The following CHD5 variants were observed in gnomAD, a reference collection of about 807,000 sequenced individuals.
The protein encoded by CHD5 is ATP-dependent chromatin remodeler CHD5.
In CHD5, 69 loss-of-function variants were observed where a neutral mutation model predicts 230.3. The ratio of observed to expected loss-of-function variants is 0.30; its 90% CI spans 0.25 to 0.37. CHD5 has a LOEUF of 0.37. Ranked by LOEUF, CHD5 falls within the 10% of genes least tolerant of loss-of-function variation. CHD5 has a pLI of 1.00. For synonymous variants in CHD5, 1,064 were observed against 1,065.9 expected (o/e 1.00, Z 0.03); for missense variants, 1,827 against 2,622.8 (o/e 0.70, Z 6.63).
intron 35 of CHD5, 98 bp from the exon 36 acceptor site, chr1:6,111,981 C>G: frequency 7.2e-7 from 1 of 1,382,882 alleles, no homozygotes; most frequent in Non-Finnish European, 1.0e-6. Flanking sequence ...CCACTGCCTC[C>G]ACCCCCAGAG....
rs961006737 is a variant in CHD5, at chr1:6,104,269, C to G, written c.*1205G>C. On this transcript the variant is annotated 3_prime_UTR_variant, in exon 42 of 42. Transcript: ENST00000262450. ...GCGCTCCTGGCAGGAAACAAGGCAG[C>G]AAGCCCTTGGTGCTGCGGCTGGGAG... 3 of 152,372 alleles carry G rather than the reference C, an allele frequency of 2.0e-5. No individual in the cohort carries two copies. The highest frequency in any genetic ancestry group is 4.4e-5 in the Non-Finnish European group (3 of 68,156). The allele number at this position is 152,372 out of a possible 1,614,324, so 9.4% of individuals were successfully genotyped here.
At chr1:6,168,379 C>A (rs946354290) in intron 1 of CHD5, 102 bp from the exon 2 acceptor site, 1 of 1,405,730 alleles carries the variant, frequency 7.1e-7, no homozygotes, top group Admixed American at 2.3e-5. Context: ...CCCAGACACC[C>A]AACTGTGCCA....
chr1:6,138,312 G>C (rs1229755120), intron 15 of CHD5, among the ~76,000 whole-genome samples: 2 of 151,524 alleles, frequency 1.3e-5, no homozygotes, highest in Non-Finnish European at 2.9e-5. Flanking sequence ...AAAAGGCAGA[G>C]GTTGCAGTGA....
intron 33 of CHD5, among the ~76,000 whole-genome samples, chr1:6,120,080 T>C (rs1484842932): frequency 6.6e-6 from 1 of 151,964 alleles, no homozygotes; most frequent in Admixed American, 6.5e-5. Flanking sequence ...AGGCTGGCCT[T>C]GAACTCCTGA....
chr1:6,144,342 C>T (rs899872595), intron 11 of CHD5, among the ~76,000 whole-genome samples, 187 bp from the exon 12 acceptor site: 1 of 152,078 alleles, frequency 6.6e-6, no homozygotes, highest in Non-Finnish European at 1.5e-5. Flanking sequence ...GGCCACACAG[C>T]GAATGAGAGG....
At position 6,119,075 on chromosome 1, in the gene CHD5, AAAAG is replaced by A. The variant is rs1171054219; in HGVS notation, c.4912+2026_4912+2029del. 4.1e-3 allele frequency among the ~76,000 whole-genome samples: 625 copies of A among 152,146 alleles called. 8 individuals carry two copies. The highest frequency in any genetic ancestry group is 0.015 in the African/African-American group (602 of 41,500). The stretch of plus-strand genomic sequence containing the variant: ...ATAAAGCTGTTATCTTAAAAAAAAA[AAAAG>A]GAATAGAAAAAGGCGTAACAAATAT... On this transcript the variant is annotated intron_variant, in intron 33 of 41. Transcript: ENST00000262450.
Position 6,113,015 on chromosome 1 carries a change from G to T in CHD5, c.4913-17C>A, listed in dbSNP as rs760642282. ...GCACCTCCTCTGCAAGAAAAAGAGGGTTCGCGGCATGGGGTGGGGTCCCAG... is the reference window on the plus strand; with the variant it reads ...GCACCTCCTCTGCAAGAAAAAGAGGTTTCGCGGCATGGGGTGGGGTCCCAG... On this transcript the variant is annotated splice_polypyrimidine_tract_variant and intron_variant, in intron 33 of 41. Coordinates refer to ENST00000262450, the MANE Select transcript of CHD5 (RefSeq NM_015557.3). The T allele has an allele frequency of 1.9e-6, 3 of 1,583,246 alleles. No individual in the cohort carries two copies. In the South Asian group the frequency reaches 3.3e-5, roughly 17 times the overall value.
intron 38 of CHD5, among the ~76,000 whole-genome samples, chr1:6,108,968 G>C (rs1666242084): frequency 6.6e-6 from 1 of 151,916 alleles, no homozygotes. Flanking sequence ...CGAGAGCTGG[G>C]GCTTATTTGC....
At chr1:6,170,028 G>A (rs1037234323) in intron 1 of CHD5, among the ~76,000 whole-genome samples, 6 of 152,144 alleles carry the variant, frequency 3.9e-5, no homozygotes, top group Admixed American at 2.0e-4. Flanking sequence ...ACCCAGGAAG[G>A]GGGCAGAGTG....
chr1:6,150,057 C>T lies in CHD5; in HGVS notation c.995-645G>A, dbSNP rs1216997211. The stretch of plus-strand genomic sequence containing the variant: ...GGCAAATGGATGAGTAATGGATGGA[C>T]AAATGGAAGGATGGATGCATAGATG... On this transcript the variant is annotated intron_variant, in intron 7 of 41. Transcript: ENST00000262450. 2.3e-5 allele frequency among the ~76,000 whole-genome samples: 3 copies of T among 131,748 alleles called. No individual in the cohort carries two copies. The East Asian group carries it at 7.7e-4, about 34-fold the overall frequency. The allele number at this position is 131,748 out of a possible 152,430, so 86.4% of individuals were successfully genotyped here. A position where few individuals can be genotyped will look rare whatever the true frequency, so the allele number is the denominator to read the frequency against.
At chr1:6,119,814 C>T (rs534779096) in intron 33 of CHD5, among the ~76,000 whole-genome samples, 3 of 144,982 alleles carry the variant, frequency 2.1e-5, no homozygotes, top group South Asian at 2.4e-4. Flanking sequence ...TACATATATA[C>T]GTATATATAT....
chr1:6,106,345 G>A (rs761991010), intron 40 of CHD5, 50 bp downstream of exon 40: 2 of 1,611,736 alleles, frequency 1.2e-6, no homozygotes, highest in East Asian at 4.5e-5. Flanking sequence ...AGGCAGGCCG[G>A]GCCCGGCGGG....
Position 6,121,949 on chromosome 1 carries a change from G to C in CHD5, c.4700-376C>G, listed in dbSNP as rs1010250888. On this transcript the variant is annotated intron_variant, in intron 31 of 41. Coordinates refer to ENST00000262450, the MANE Select transcript of CHD5 (RefSeq NM_015557.3). The surrounding 1 kb of genome is among the most constrained non-coding windows in gnomAD (Gnocchi z 4.5). ...CTGGCTGGTGTGTGCCTCTGGACAG[G>C]GGGTGAATTTCCTCCCTGCCAAGCC... 6.6e-6 allele frequency among the ~76,000 whole-genome samples: 1 copy of C among 152,204 alleles called. No homozygotes were observed. Among genetic ancestry groups the C allele is most frequent in the Non-Finnish European group, 1.5e-5 (1 of 68,036 alleles).
chr1:6,125,362 TCCA>T lies in CHD5; in HGVS notation c.4261-132_4261-130del. On this transcript the variant is annotated intron_variant, in intron 28 of 41. Coordinates refer to ENST00000262450, the MANE Select transcript of CHD5 (RefSeq NM_015557.3). The surrounding 1 kb of genome is among the most constrained non-coding windows in gnomAD (Gnocchi z 6.7). ...AGGGGGCACAGAGAAGGCAGGGGCC[TCCA>T]CCTGGGGCAGGACCCTGACGGCGAA... is the stretch of plus-strand genomic sequence containing the variant. The T allele has an allele frequency of 8.3e-7, 1 of 1,204,912 alleles. No homozygotes were observed. Among genetic ancestry groups the T allele is most frequent in the East Asian group, 2.5e-5 (1 of 39,412 alleles). 74.6% of individuals were successfully genotyped at this position (1,204,912 alleles called of 1,614,324 possible).
At position 6,154,874 on chromosome 1, in the gene CHD5, C is replaced by T. The variant is rs141468105; in HGVS notation, c.531G>A (p.Pro177=). The T allele has an allele frequency of 7.4e-5, 119 of 1,613,642 alleles. No homozygotes were observed. The highest frequency in any genetic ancestry group is 9.2e-5 in the Non-Finnish European group (108 of 1,179,904). Residue 177 remains proline (P), a synonymous_variant, in exon 5 of 42, where the codon CCG becomes CCA. Coordinates refer to ENST00000262450, the MANE Select transcript of CHD5 (RefSeq NM_015557.3). The surrounding 1 kb of genome is among the most constrained non-coding windows in gnomAD (Gnocchi z 7.0). The part of the protein sequence containing the change: ...FLRPLIAKKN[P]KIPMSKMMTV... ...TCATCATTTTGGACATGGGGATCTT[C>T]GGGTTCTTCTTGGCAATGAGTGGCC...
At chr1:6,110,361 C>T in intron 37 of CHD5, 33 bp downstream of exon 37, 22 of 1,576,258 alleles carry the variant, frequency 1.4e-5, no homozygotes, top group Non-Finnish European at 1.9e-5. Flanking sequence ...TCCCTCCCTG[C>T]CCCGTGCAGC....
chr1:6,125,531 T>G lies in CHD5; in HGVS notation c.4253A>C (p.Asn1418Thr). The change falls in exon 28 of 42, where the codon AAC (asparagine) becomes ACC (threonine). Residue 1418 changes from asparagine (N) to threonine (T), a missense_variant. Around this residue, in one of 14 missense-constraint regions of CHD5, gnomAD observed 137 missense variants for 272.7 expected, o/e 0.50. Transcript: ENST00000262450. This position sits in a 1 kb window ranked among gnomAD's most constrained non-coding sequence, Gnocchi z 6.7. ...LPPLLARVGG[N>T]IEVLGFNARQ... ...GGAACAGACAGGCCCCACCTCGATG[T>G]TGCCACCAACTCGGGCGAGAAGCGG... is the stretch of plus-strand genomic sequence containing the variant. 1 of 1,586,646 alleles carries G rather than the reference T, an allele frequency of 6.3e-7. No individual in the cohort carries two copies. Among genetic ancestry groups the G allele is most frequent in the East Asian group, 2.3e-5 (1 of 43,294 alleles).
rs1313354267 is a variant in CHD5 at position 6,126,744 on chromosome 1, C to T, written c.3906G>A (p.Glu1302=). Reference sequence around the variant, plus strand: ...GCTTGATGATTTCCCGCTCCACCTCCTCCTGGGGACGCAGCACCACGGGTT... The same window carrying T: ...GCTTGATGATTTCCCGCTCCACCTCTTCCTGGGGACGCAGCACCACGGGTT... ...QYVVREEDGV[E]EVEREIIKQE... Residue 1302 remains glutamate (E), a splice_region_variant and synonymous_variant, in exon 26 of 42, where the codon GAG becomes GAA. Coordinates refer to ENST00000262450, the MANE Select transcript of CHD5 (RefSeq NM_015557.3). The surrounding 1 kb of genome is among the most constrained non-coding windows in gnomAD (Gnocchi z 5.7). 1.9e-6 allele frequency: 3 copies of T among 1,612,972 alleles called. No individual in the cohort carries two copies. The highest frequency in any genetic ancestry group is 1.3e-5 in the African/African-American group (1 of 74,884).
At chr1:6,108,105 T>G (rs1666225295) in intron 38 of CHD5, among the ~76,000 whole-genome samples, 1 of 89,068 alleles carries the variant, frequency 1.1e-5, no homozygotes, top group Admixed American at 1.2e-4. Flanking sequence ...GGAGGGATGG[T>G]GGAGACATGG....
Sources: gnomAD v4.1 joint callset for allele counts (sites outside exome capture counted in the v4.1 genomes callset) on GRCh38, gnomAD v4.1.1 for gene constraint, gnomAD v4.1.1 regional missense constraint, Gnocchi (gnomAD v3.1) non-coding constraint, MANE v1.5 for transcripts, NCBI Gene and HGNC (gene_info 2026-07-23, HGNC 2026-07-21) for gene names.